CARNS1: variants seen among roughly 807,000 people sequenced by gnomAD.
CARNS1 encodes the protein carnosine synthase 1.
CARNS1 carries 61 observed loss-of-function variants against 74.0 expected under a neutral mutation model. That is an observed-to-expected ratio of 0.82 (90% CI 0.67 to 1.02). CARNS1 has a LOEUF of 1.02. Among genes scored for constraint, CARNS1 ranks in the 50% least tolerant of loss-of-function variants. The pLI is 0.00. For missense variants in CARNS1, 1,278 were observed against 1,308.4 expected, an observed-to-expected ratio of 0.98 and a Z score of 0.36; for synonymous variants, 568 against 605.5, an observed-to-expected ratio of 0.94 and a Z score of 0.91.
At position 67,417,182 on chromosome 11, in the gene CARNS1, C is replaced by G. The variant is rs537032438; in HGVS notation, c.4-225C>G. 9.8e-6 allele frequency: 12 copies of G among 1,223,924 alleles called. No individual in the cohort carries two copies. In the Admixed American group the frequency reaches 4.3e-4, roughly 44 times the overall value. The allele number at this position is 1,223,924 out of a possible 1,614,324, so 75.8% of individuals were successfully genotyped here. A position where few individuals can be genotyped will look rare whatever the true frequency, so the allele number is the denominator to read the frequency against. ...GGCTGGCAAGACATTGCTTCCTGCCCTCCCCCCAGGGGCACCACACAGAAC... is the reference window on the plus strand; with the variant it reads ...GGCTGGCAAGACATTGCTTCCTGCCGTCCCCCCAGGGGCACCACACAGAAC... On this transcript the variant is annotated intron_variant, in intron 2 of 9. Coordinates refer to ENST00000687366, the MANE Select transcript of CARNS1 (RefSeq NM_001166222.2).
At position 67,425,155 on chromosome 11, in the gene CARNS1, G is replaced by T; in HGVS notation, c.*554G>T. The T allele has an allele frequency of 2.2e-6, 1 of 447,814 alleles. No individual in the cohort carries two copies. The highest frequency in any genetic ancestry group is 2.0e-5 in the African/African-American group (1 of 49,810). The allele number at this position is 447,814 out of a possible 1,614,324, so 27.7% of individuals were successfully genotyped here. A position where few individuals can be genotyped will look rare whatever the true frequency, so the allele number is the denominator to read the frequency against. ...TGACCGGTAGAGGCAGGTGGCCTGT[G>T]GACAGAAGTAATCCTCTTTCTGCTC... is the stretch of plus-strand genomic sequence containing the variant. On this transcript the variant is annotated 3_prime_UTR_variant, in exon 10 of 10. Transcript: ENST00000687366.
At chr11:67,419,926 T>C in intron 7 of CARNS1, 88 bp downstream of exon 7, 1 of 1,361,328 alleles carries the variant, frequency 7.3e-7, no homozygotes, top group Non-Finnish European at 1.0e-6. Flanking sequence ...CCCTGAGCCG[T>C]CTCTGGGCAG....
intron 4 of CARNS1, 115 bp downstream of exon 4, chr11:67,418,635 G>A: frequency 1.4e-6 from 2 of 1,437,076 alleles, no homozygotes; most frequent in Non-Finnish European, 1.8e-6. Context: ...TTCCACCGGA[G>A]CAGCTGCCAT....
In CARNS1 at chr11:67,418,800, C is replaced by T. The variant is rs868167; in HGVS notation, c.409C>T (p.Pro137Ser). 3.8e-6 allele frequency: 6 copies of T among 1,599,638 alleles called. No individual in the cohort carries two copies. Among genetic ancestry groups the T allele is most frequent in the East Asian group, 2.3e-5 (1 of 44,186 alleles). Residue 137 changes from proline to serine, a missense_variant, in exon 5 of 10, where the codon CCA (proline) becomes TCA (serine). Transcript: ENST00000687366. ...CLSPAWLMKV[P>S]APGQPGEAAL... ...GTCCCCTGCTTGGCTGATGAAGGTG[C>T]CAGCACCCGGGCAGCCGGGTGAGGC... is the stretch of plus-strand genomic sequence containing the variant.
In CARNS1 at chr11:67,417,656, C is replaced by T. The variant is rs1226938677; in HGVS notation, c.253C>T (p.Arg85Cys). 12 of 1,266,156 alleles carry T rather than the reference C, an allele frequency of 9.5e-6. No individual in the cohort carries two copies. The highest frequency in any genetic ancestry group is 4.2e-5 in the Admixed American group (1 of 23,944). 78.4% of individuals were successfully genotyped at this position (1,266,156 alleles called of 1,614,324 possible). The change falls in exon 3 of 10, where the codon CGC (arginine) becomes TGC (cysteine). Residue 85 changes from arginine to cysteine, a missense_variant. Around this residue, in one of 3 missense-constraint regions of CARNS1, gnomAD observed 104 missense variants for 127.3 expected, o/e 0.82. Transcript: ENST00000687366. ...QQAGLPETQD[R>C]GQVPRTGCPG... Reference sequence around the variant, plus strand: ...AGCTGGCCTTCCGGAGACTCAGGACCGCGGCCAGGTGCCCCGCACAGGTGC... The same window carrying T: ...AGCTGGCCTTCCGGAGACTCAGGACTGCGGCCAGGTGCCCCGCACAGGTGC...
Position 67,425,045 on chromosome 11 carries a change from A to T in CARNS1, c.*444A>T. The T allele has an allele frequency of 2.1e-6, 1 of 466,066 alleles. No individual in the cohort carries two copies. The highest frequency in any genetic ancestry group is 6.7e-5 in the East Asian group (1 of 14,832). 28.9% of individuals were successfully genotyped at this position (466,066 alleles called of 1,614,324 possible). On this transcript the variant is annotated 3_prime_UTR_variant, in exon 10 of 10. Transcript: ENST00000687366. ...AATCCTGGGAAAACCTGAGACTAGA[A>T]CCCTTGTCTTCCTCTTACCCAAATT...
chr11:67,421,427 C>G (rs1289287287), intron 9 of CARNS1, among the ~76,000 whole-genome samples: 1 of 152,130 alleles, frequency 6.6e-6, no homozygotes, highest in Non-Finnish European at 1.5e-5. Flanking sequence ...GAGGGGACTC[C>G]GCTAGTTCTG....
At chr11:67,417,936 G>A (rs1863589263) in intron 3 of CARNS1, among the ~76,000 whole-genome samples, 2 of 152,206 alleles carry the variant, frequency 1.3e-5, no homozygotes, top group South Asian at 2.1e-4. Context: ...GGGAAACCAC[G>A]TTGTGTGGCA....
Position 67,425,204 on chromosome 11 carries a change from A to G in CARNS1, c.*603A>G, listed in dbSNP as rs897929325. On this transcript the variant is annotated 3_prime_UTR_variant, in exon 10 of 10. Transcript: ENST00000687366. The stretch of plus-strand genomic sequence containing the variant: ...TCACCCCAGGCAGACACAACTGCCT[A>G]TGTTCCCCCGATGAGAGGAAACAGG... 7.7e-6 allele frequency: 3 copies of G among 391,684 alleles called. No individual in the cohort carries two copies. The highest frequency in any genetic ancestry group is 1.0e-5 in the Non-Finnish European group (2 of 196,328). 24.3% of individuals were successfully genotyped at this position (391,684 alleles called of 1,614,324 possible).
intron 2 of CARNS1, 130 bp downstream of exon 2, chr11:67,416,332 C>T: frequency 1.3e-6 from 2 of 1,490,582 alleles, no homozygotes; most frequent in Non-Finnish European, 1.8e-6. Context: ...GACCCACGAC[C>T]AGCTCCCCCA....
At chr11:67,419,884 C>T (rs1554987597) in intron 7 of CARNS1, 46 bp downstream of exon 7, 2 of 1,539,234 alleles carry the variant, frequency 1.3e-6, no homozygotes, top group South Asian at 2.4e-5. Flanking sequence ...TGCCACACGC[C>T]AGCCCAGTCC....
At chr11:67,420,199 G>A (rs1017204394) in intron 7 of CARNS1, among the ~76,000 whole-genome samples, 1 of 152,172 alleles carries the variant, frequency 6.6e-6, no homozygotes, top group Admixed American at 6.5e-5. Flanking sequence ...CTAAGCTGGA[G>A]AGTCAGGAAG....
At position 67,418,445 on chromosome 11, in the gene CARNS1, G is replaced by A; in HGVS notation, c.289G>A (p.Glu97Lys). Residue 97 changes from glutamate (E) to lysine (K), a missense_variant, in exon 4 of 10, where the codon GAG (glutamate) becomes AAG (lysine). Coordinates refer to ENST00000687366, the MANE Select transcript of CARNS1 (RefSeq NM_001166222.2). ...TCTTTCCCGAGGCTGTCCTGGGGCG[G>A]AGGTGACCTTGTGCGTTCTGGGCTC... ...QVPRTGCPGA[E>K]VTLCVLGSPS... is the part of the protein sequence containing the mutation. 6.8e-7 allele frequency: 1 copy of A among 1,459,970 alleles called. No individual in the cohort carries two copies. Among genetic ancestry groups the A allele is most frequent in the South Asian group, 1.4e-5 (1 of 73,900 alleles). The allele number at this position is 1,459,970 out of a possible 1,614,324, so 90.4% of individuals were successfully genotyped here.
At position 67,424,814 on chromosome 11, in the gene CARNS1, C is replaced by T. The variant is rs1021480137; in HGVS notation, c.*213C>T. ...TCTTGCCCTCCCGAAGGCCCCAGTC[C>T]AGCCTACAGCTTCCCCAGCATTCTA... On this transcript the variant is annotated 3_prime_UTR_variant, in exon 10 of 10. Transcript: ENST00000687366. The T allele has an allele frequency of 3.2e-6, 2 of 631,846 alleles. No homozygotes were observed. Among genetic ancestry groups the T allele is most frequent in the Non-Finnish European group, 2.8e-6 (1 of 354,426 alleles). The allele number at this position is 631,846 out of a possible 1,614,324, so 39.1% of individuals were successfully genotyped here.
intron 9 of CARNS1, among the ~76,000 whole-genome samples, chr11:67,422,619 G>A (rs1464963499): frequency 2.0e-5 from 3 of 152,150 alleles, no homozygotes; most frequent in Admixed American, 6.5e-5. Flanking sequence ...GAGCCACTGC[G>A]CACAGCCAAT....
At position 67,423,934 on chromosome 11, in the gene CARNS1, A is replaced by G; in HGVS notation, c.2186A>G (p.Glu729Gly). The G allele has an allele frequency of 6.2e-7, 1 of 1,613,546 alleles. No homozygotes were observed. The highest frequency in any genetic ancestry group is 8.5e-7 in the Non-Finnish European group (1 of 1,179,816). The change falls in exon 10 of 10, where the codon GAG becomes GGG. Residue 729 changes from glutamate to glycine, a missense_variant. Around this residue, in one of 3 missense-constraint regions of CARNS1, gnomAD observed 1,164 missense variants for 1,156.5 expected, o/e 1.01. Transcript: ENST00000687366. The surrounding 1 kb of genome is among the most constrained non-coding windows in gnomAD (Gnocchi z 5.1). Reference protein sequence around the residue: ...GNAMLLMEFVEGTEHDVDLVL... With the variant: ...GNAMLLMEFVGGTEHDVDLVL... ...GCCATGCTGCTGATGGAGTTTGTGGAGGGCACCGAGCACGACGTGGACCTG... is the reference window on the plus strand; with the variant it reads ...GCCATGCTGCTGATGGAGTTTGTGGGGGGCACCGAGCACGACGTGGACCTG...
Position 67,418,949 on chromosome 11 carries a change from C to G in CARNS1, c.558C>G (p.Gly186=), listed in dbSNP as rs61743296. 7.0e-6 allele frequency: 11 copies of G among 1,574,826 alleles called. No homozygotes were observed. In the East Asian group the frequency reaches 2.6e-4, roughly 37 times the overall value. ...LAGLGLGPGR[G]REAAELARDL... ...GCCTGGGCCTGGGGCCTGGCCGGGG[C>G]CGAGAGGCAGCAGAACTCGCCCGTG... is the stretch of plus-strand genomic sequence containing the variant. The change falls in exon 5 of 10, where the codon GGC becomes GGG. Residue 186 remains glycine, a synonymous_variant. Coordinates refer to ENST00000687366, the MANE Select transcript of CARNS1 (RefSeq NM_001166222.2).
Position 67,417,468 on chromosome 11 carries a change from A to G in CARNS1, c.65A>G (p.Glu22Gly), listed in dbSNP as rs1450911462. The change falls in exon 3 of 10, where the codon GAA becomes GGA. Residue 22 changes from glutamate to glycine, a missense_variant. Around this residue, in one of 3 missense-constraint regions of CARNS1, gnomAD observed 104 missense variants for 127.3 expected, o/e 0.82. Transcript: ENST00000687366. ...DCPLGSKDLE[E>G]EGPWGGGSGL... ...CCACTGGGCTCCAAGGACCTGGAGG[A>G]AGAGGGCCCCTGGGGAGGGGGCTCT... 3 of 1,449,240 alleles carry G rather than the reference A, an allele frequency of 2.1e-6. No individual in the cohort carries two copies. Among genetic ancestry groups the G allele is most frequent in the Admixed American group, 5.3e-5 (2 of 37,914 alleles). 89.8% of individuals were successfully genotyped at this position (1,449,240 alleles called of 1,614,324 possible).
In CARNS1 at chr11:67,417,392, C is replaced by T; in HGVS notation, c.4-15C>T. 7.5e-7 allele frequency: 1 copy of T among 1,334,662 alleles called. No individual in the cohort carries two copies. The highest frequency in any genetic ancestry group is 9.6e-7 in the Non-Finnish European group (1 of 1,041,730). 82.7% of individuals were successfully genotyped at this position (1,334,662 alleles called of 1,614,324 possible). On this transcript the variant is annotated splice_polypyrimidine_tract_variant and intron_variant, in intron 2 of 9. Coordinates refer to ENST00000687366, the MANE Select transcript of CARNS1 (RefSeq NM_001166222.2). ...GGCCCACCCTGCCCAAGACCTACCA[C>T]TTCTGCCCTCTCAGCTCTCCCTGGA...
Sources: allele counts gnomAD v4.1 joint callset (sites outside exome capture counted in the v4.1 genomes callset), GRCh38; gene constraint gnomAD v4.1.1; regional missense constraint gnomAD v4.1.1; non-coding constraint Gnocchi (gnomAD v3.1); transcripts MANE v1.5; gene names NCBI Gene and HGNC (gene_info 2026-07-23, HGNC 2026-07-21).